Variants in EYS observed in about 807,000 individuals in gnomAD.
EYS encodes the protein EGF-like photoreceptor maintenance factor.
Under a neutral mutation model 282.1 loss-of-function variants are expected in EYS, and 250 were observed. The ratio of observed to expected loss-of-function variants is 0.89; its 90% CI spans 0.80 to 0.98. The LOEUF is 0.98. EYS is among the 50% of genes least tolerant of loss of function. EYS has a pLI of 0.00. For synonymous variants in EYS, 1,355 were observed against 1,282.9 expected (o/e 1.06, Z -1.20); for missense variants, 4,016 against 3,709.0 (o/e 1.08, Z -2.15).
intron 14 of EYS, among the ~76,000 whole-genome samples, chr6:64,993,885 G>A (rs1378412083): frequency 6.7e-6 from 1 of 149,750 alleles, no homozygotes. Context: ...TAGTATACGT[G>A]TGTGTGTGTG....
intron 29 of EYS, among the ~76,000 whole-genome samples, chr6:64,353,190 C>T (rs1771704806): frequency 6.6e-6 from 1 of 151,324 alleles, no homozygotes; most frequent in African/African-American, 2.4e-5. Flanking sequence ...AAAATCAATG[C>T]TATATAATAT....
At chr6:64,614,905 G>A (rs750552853) in intron 24 of EYS, among the ~76,000 whole-genome samples, 22 of 152,086 alleles carry the variant, frequency 1.4e-4, no homozygotes, top group Non-Finnish European at 2.1e-4. Flanking sequence ...ATTAGTGACC[G>A]CCTATACTGT....
At chr6:64,195,381 C>A (rs1765254493) in intron 31 of EYS, among the ~76,000 whole-genome samples, 1 of 152,168 alleles carries the variant, frequency 6.6e-6, no homozygotes. Flanking sequence ...CAGGTCACTG[C>A]CACCTCCACC....
In EYS at chr6:64,508,554, A is replaced by T. The variant is rs553777251; in HGVS notation, c.5645-69202T>A. 2.4e-4 allele frequency among the ~76,000 whole-genome samples: 28 copies of T among 118,686 alleles called. No homozygotes were observed. In the South Asian group the frequency reaches 2.6e-3, roughly 11 times the overall value. The allele number at this position is 118,686 out of a possible 152,430, so 77.9% of individuals were successfully genotyped here. A position where few individuals can be genotyped will look rare whatever the true frequency, so the allele number is the denominator to read the frequency against. ...ATGAGTTCTGCTTTTCTAAGTATTT[A>T]TTATTATTATTATTATTATTATTAT... On this transcript the variant is annotated intron_variant, in intron 26 of 42. Transcript: ENST00000503581.
At chr6:63,999,292 T>C (rs1767972954) in intron 33 of EYS, 109 bp from the exon 34 acceptor site, 1 of 739,494 alleles carries the variant, frequency 1.4e-6, no homozygotes, top group Non-Finnish European at 2.4e-6. Flanking sequence ...ACTTTCTGGA[T>C]CACAACAATC....
At chr6:64,110,554 A>G (rs930799811) in intron 31 of EYS, among the ~76,000 whole-genome samples, 1 of 152,048 alleles carries the variant, frequency 6.6e-6, no homozygotes, top group Non-Finnish European at 1.5e-5. Context: ...TGAAGTTTAC[A>G]GGCATGATCT....
At chr6:65,694,087 T>C (rs914830825) in intron 1 of EYS, among the ~76,000 whole-genome samples, 2 of 149,998 alleles carry the variant, frequency 1.3e-5, no homozygotes, top group Admixed American at 6.7e-5. Context: ...AAAAATTATG[T>C]ATAATAACAA....
At chr6:64,096,310 T>G (rs1308480292) in intron 31 of EYS, among the ~76,000 whole-genome samples, 1 of 152,240 alleles carries the variant, frequency 6.6e-6, no homozygotes, top group Non-Finnish European at 1.5e-5. Flanking sequence ...CTTGCTAGAT[T>G]GGGGAAGTTC....
chr6:65,314,135 A>ATG (rs59770252), intron 11 of EYS, among the ~76,000 whole-genome samples: 1 of 150,408 alleles, frequency 6.6e-6, no homozygotes, highest in South Asian at 2.1e-4. Flanking sequence ...GTGTATGTGC[A>ATG]TGTGTGTGTG....
At chr6:65,382,034 T>C (rs1026269255) in intron 8 of EYS, among the ~76,000 whole-genome samples, 2 of 151,888 alleles carry the variant, frequency 1.3e-5, no homozygotes, top group African/African-American at 4.8e-5. Context: ...TCTATTATGA[T>C]TATGTTTATT....
At chr6:65,691,432 TG>T in intron 1 of EYS, among the ~76,000 whole-genome samples, 1 of 150,548 alleles carries the variant, frequency 6.6e-6, no homozygotes, top group African/African-American at 2.4e-5. Flanking sequence ...TAGGGTTGTT[TG>T]TTTTTTTACT....
intron 19 of EYS, among the ~76,000 whole-genome samples, chr6:64,854,755 A>G (rs1441007693): frequency 6.6e-6 from 1 of 152,060 alleles, no homozygotes. Flanking sequence ...TAAAAAAAAG[A>G]AATTGTATTT....
chr6:65,123,812 G>A (rs1477476168), intron 12 of EYS, among the ~76,000 whole-genome samples: 7 of 150,568 alleles, frequency 4.6e-5, no homozygotes, highest in South Asian at 2.1e-4. Flanking sequence ...AAAGAGAAAA[G>A]TTTATCATAT....
chr6:64,496,392 C>T (rs1312429140), intron 26 of EYS, among the ~76,000 whole-genome samples: 1 of 151,890 alleles, frequency 6.6e-6, no homozygotes, highest in African/African-American at 2.4e-5. Flanking sequence ...AGTGGCCTTG[C>T]TTGTTTATAC....
chr6:65,586,536 CTGAT>C (rs762063527), intron 2 of EYS, among the ~76,000 whole-genome samples: 20 of 152,138 alleles, frequency 1.3e-4, no homozygotes, highest in Admixed American at 3.9e-4. Context: ...AGAGACAAAA[CTGAT>C]TGTCAGAACT....
intron 13 of EYS, among the ~76,000 whole-genome samples, chr6:65,017,441 A>G (rs1237486699): frequency 6.6e-6 from 1 of 152,206 alleles, no homozygotes; most frequent in Admixed American, 6.5e-5. Flanking sequence ...ATCCATGTTC[A>G]TGTATGTTCT....
intron 29 of EYS, among the ~76,000 whole-genome samples, chr6:64,386,447 A>G (rs1001328831): frequency 2.0e-5 from 3 of 152,100 alleles, no homozygotes; most frequent in Non-Finnish European, 4.4e-5. Context: ...CAAAACCATC[A>G]CATCTCCTGA....
At chr6:65,268,497 A>G (rs1407512187) in intron 12 of EYS, among the ~76,000 whole-genome samples, 1 of 152,074 alleles carries the variant, frequency 6.6e-6, no homozygotes, top group Non-Finnish European at 1.5e-5. Flanking sequence ...AAAACATACA[A>G]TCAAACATTA....
intron 35 of EYS, among the ~76,000 whole-genome samples, chr6:63,982,937 G>C (rs946942568): frequency 6.6e-6 from 1 of 151,750 alleles, no homozygotes; most frequent in Non-Finnish European, 1.5e-5. Context: ...GTTTTTTCCC[G>C]TTTCTATTTC....
Sources: gnomAD v4.1 joint callset for allele counts (sites outside exome capture counted in the v4.1 genomes callset) on GRCh38, gnomAD v4.1.1 for gene constraint, MANE v1.5 for transcripts, NCBI Gene and HGNC (gene_info 2026-07-23, HGNC 2026-07-21) for gene names.